Variants in RAB3C observed in about 807,000 individuals in gnomAD.
RAB3C encodes ras-related protein Rab-3C.
RAB3C carries 17 observed loss-of-function variants against 26.4 expected under a neutral mutation model. The observed-to-expected ratio is 0.64, with a 90% CI of 0.44 to 0.97. The LOEUF (loss-of-function observed/expected upper bound fraction) is 0.97, where lower values mean the gene tolerates loss of function less well. RAB3C is among the 50% of genes least tolerant of loss of function. RAB3C has a pLI of 0.00. For synonymous variants in RAB3C, 91 were observed against 95.9 expected, an observed-to-expected ratio of 0.95 and a Z score of 0.30; for missense variants, 242 against 281.9, an observed-to-expected ratio of 0.86 and a Z score of 1.01.
intron 2 of RAB3C, among the ~76,000 whole-genome samples, chr5:58,671,872 G>A (rs1008663785): frequency 6.6e-6 from 1 of 151,954 alleles, no homozygotes; most frequent in African/African-American, 2.4e-5. Flanking sequence ...GCTTCCACCA[G>A]GAGAAAGGCT....
chr5:58,595,193 G>T (rs1029039888), intron 1 of RAB3C, among the ~76,000 whole-genome samples: 1 of 152,174 alleles, frequency 6.6e-6, no homozygotes, highest in Non-Finnish European at 1.5e-5. Context: ...TTTCCTACTA[G>T]GTTGTCCCTC....
intron 2 of RAB3C, among the ~76,000 whole-genome samples, chr5:58,653,229 G>C (rs1322725361): frequency 2.0e-5 from 3 of 152,066 alleles, no homozygotes; most frequent in African/African-American, 4.8e-5. Context: ...GCAGTGTTTG[G>C]TTTTCTGTTC....
Position 58,583,133 on chromosome 5 carries a change from C to G in RAB3C, c.-76C>G. ...AGAGTGCAGAGTGTGGAGCGTGGAG[C>G]GCCGGGACTGTGCACGCTTGACCGG... On this transcript the variant is annotated 5_prime_UTR_variant, in exon 1 of 5. Coordinates refer to ENST00000282878, the MANE Select transcript of RAB3C (RefSeq NM_138453.4). The G allele has an allele frequency of 6.2e-7, 1 of 1,609,848 alleles. No individual in the cohort carries two copies. The highest frequency in any genetic ancestry group is 8.5e-7 in the Non-Finnish European group (1 of 1,178,542).
chr5:58,837,668 T>C (rs985307835), intron 4 of RAB3C, among the ~76,000 whole-genome samples: 6 of 151,446 alleles, frequency 4.0e-5, no homozygotes, highest in African/African-American at 1.5e-4. Context: ...AAGTGATTCT[T>C]CTGCCTTAGC....
At chr5:58,809,487 T>A (rs58398182) in intron 3 of RAB3C, among the ~76,000 whole-genome samples, 9,214 of 151,544 alleles carry the variant, frequency 0.061, 906 homozygotes, top group African/African-American at 0.21. Flanking sequence ...AGAAAAGCAA[T>A]GGAAGAATTT....
chr5:58,762,672 CA>C (rs1393639920), intron 3 of RAB3C, among the ~76,000 whole-genome samples: 2 of 152,262 alleles, frequency 1.3e-5, no homozygotes, highest in East Asian at 3.9e-4. Context: ...GCCTGGGCGA[CA>C]AGAGTGAAAC....
chr5:58,657,046 G>T (rs158952), intron 2 of RAB3C, among the ~76,000 whole-genome samples: 1 of 152,040 alleles, frequency 6.6e-6, no homozygotes, highest in East Asian at 1.9e-4. Context: ...ATGGAATACT[G>T]CTCAGCCATA....
At chr5:58,702,739 C>G (rs987322529) in intron 2 of RAB3C, among the ~76,000 whole-genome samples, 7 of 152,080 alleles carry the variant, frequency 4.6e-5, no homozygotes, top group African/African-American at 1.2e-4. Flanking sequence ...GATACAATAG[C>G]CTTTGTAGAA....
At chr5:58,722,582 G>T (rs1391040992) in intron 2 of RAB3C, among the ~76,000 whole-genome samples, 4 of 151,822 alleles carry the variant, frequency 2.6e-5, no homozygotes, top group Non-Finnish European at 5.9e-5. Context: ...AAGGGGTTAT[G>T]CTCCCCAGAA....
intron 4 of RAB3C, among the ~76,000 whole-genome samples, chr5:58,839,142 T>C (rs1370406238): frequency 6.6e-6 from 1 of 150,898 alleles, no homozygotes; most frequent in East Asian, 1.9e-4. Context: ...TGGGCCTTGA[T>C]TTTTTTTTAA....
intron 3 of RAB3C, among the ~76,000 whole-genome samples, chr5:58,764,906 T>G (rs1428709716): frequency 6.6e-6 from 1 of 152,236 alleles, no homozygotes; most frequent in East Asian, 1.9e-4. Flanking sequence ...ATCTTTCTTA[T>G]AACAGAAGGA....
At chr5:58,734,655 C>T (rs1741097055) in intron 3 of RAB3C, among the ~76,000 whole-genome samples, 2 of 152,286 alleles carry the variant, frequency 1.3e-5, no homozygotes, top group East Asian at 1.9e-4. Flanking sequence ...CTGTTTCCTC[C>T]GTTGTCTTTG....
intron 2 of RAB3C, among the ~76,000 whole-genome samples, chr5:58,714,370 A>C (rs1749124805): frequency 6.6e-6 from 1 of 152,170 alleles, no homozygotes; most frequent in African/African-American, 2.4e-5. Flanking sequence ...ATACCCAGCT[A>C]AACATTATTC....
intron 1 of RAB3C, among the ~76,000 whole-genome samples, chr5:58,615,527 T>C (rs924938638): frequency 6.6e-6 from 1 of 152,162 alleles, no homozygotes; most frequent in Non-Finnish European, 1.5e-5. Flanking sequence ...GAAATCATCA[T>C]GGCAAAAGAT....
chr5:58,712,561 A>G (rs960565703), intron 2 of RAB3C, among the ~76,000 whole-genome samples: 6 of 152,124 alleles, frequency 3.9e-5, no homozygotes, highest in African/African-American at 7.2e-5. Context: ...GTCTGGCTCT[A>G]TCACCCAGGC....
chr5:58,800,379 T>C (rs573396556), intron 3 of RAB3C, among the ~76,000 whole-genome samples: 109 of 152,330 alleles, frequency 7.2e-4, no homozygotes, highest in African/African-American at 2.5e-3. Context: ...AGTAAGCTAG[T>C]GGTGTCATTA....
At chr5:58,774,493 C>T (rs759569718) in intron 3 of RAB3C, among the ~76,000 whole-genome samples, 2 of 152,134 alleles carry the variant, frequency 1.3e-5, no homozygotes, top group Non-Finnish European at 2.9e-5. Context: ...CTGTTTCTAG[C>T]ACTACAGAGA....
intron 3 of RAB3C, among the ~76,000 whole-genome samples, chr5:58,761,061 T>TCACACACACACACACACACA (rs769194224): frequency 1.4e-3 from 174 of 126,538 alleles, no homozygotes; most frequent in African/African-American, 4.7e-3. Flanking sequence ...TCTCTCTCTC[T>TCACACACACACACACACACA]CTCACACACA....
At chr5:58,619,065 C>T (rs954236081) in intron 2 of RAB3C, among the ~76,000 whole-genome samples, 6 of 152,102 alleles carry the variant, frequency 3.9e-5, no homozygotes, top group Non-Finnish European at 7.4e-5. Flanking sequence ...TCCTAAAGGT[C>T]TTATTAAAGT....
Sources: gnomAD v4.1 joint callset for allele counts (sites outside exome capture counted in the v4.1 genomes callset) on GRCh38, gnomAD v4.1.1 for gene constraint, MANE v1.5 for transcripts, NCBI Gene and HGNC (gene_info 2026-07-23, HGNC 2026-07-21) for gene names.